The following NADK2 variants were observed in gnomAD, a reference collection of about 807,000 sequenced individuals.
The protein encoded by NADK2 is NAD kinase 2, mitochondrial, also known as NAD kinase domain-containing protein 1, mitochondrial.
In NADK2, 35 loss-of-function variants were observed where a neutral mutation model predicts 62.1. The observed-to-expected ratio is 0.56, with a 90% confidence interval of 0.43 to 0.75. The LOEUF (loss-of-function observed/expected upper bound fraction) is 0.75. Ranked by LOEUF, NADK2 falls within the 30% of genes least tolerant of loss-of-function variation. The pLI is 0.00. For synonymous variants in NADK2, 205 were observed against 207.9 expected, an observed-to-expected ratio of 0.99 and a Z score of 0.12; for missense variants, 439 against 561.3, an observed-to-expected ratio of 0.78 and a Z score of 2.20.
chr5:36,240,429 C>T (rs1277120221), intron 1 of NADK2, among the ~76,000 whole-genome samples: 2 of 152,206 alleles, frequency 1.3e-5, no homozygotes, highest in African/African-American at 4.8e-5. Flanking sequence ...CACACGATAC[C>T]AGAAGTTTCC....
At chr5:36,199,062 G>T (rs376613753) in intron 10 of NADK2, among the ~76,000 whole-genome samples, 1 of 151,642 alleles carries the variant, frequency 6.6e-6, no homozygotes, top group African/African-American at 2.4e-5. Flanking sequence ...GGGGTAGGGG[G>T]TGGGGGGAGG....
Position 36,195,364 on chromosome 5 carries a change from C to A in NADK2, c.1191-82G>T. The A allele has an allele frequency of 2.2e-6, 3 of 1,359,466 alleles. No individual in the cohort carries two copies. The South Asian group carries it at 4.7e-5, about 22-fold the overall frequency. 84.2% of individuals were successfully genotyped at this position (1,359,466 alleles called of 1,614,324 possible). ...AATCCTGAATTTTAACCTAGCAGATCATTTGGCCTCCATTTTAAAAATCAA... is the reference window on the plus strand; with the variant it reads ...AATCCTGAATTTTAACCTAGCAGATAATTTGGCCTCCATTTTAAAAATCAA... On this transcript the variant is annotated intron_variant, in intron 11 of 11. Transcript: ENST00000381937.
rs1416600842 is a variant in NADK2 at position 36,226,503 on chromosome 5, T to C, written c.450A>G (p.Arg150=). The C allele has an allele frequency of 6.2e-7, 1 of 1,612,996 alleles. No individual in the cohort carries two copies. The highest frequency in any genetic ancestry group is 8.5e-7 in the Non-Finnish European group (1 of 1,179,500). Residue 150 remains arginine, a synonymous_variant, in exon 3 of 12, where the codon CGA becomes CGG. Transcript: ENST00000381937. Reference sequence around the variant, plus strand: ...CTGCAGCTATGACAGCATCTGCCCATCGAACAGTCTCTTCATCATATTCTC... The same window carrying C: ...CTGCAGCTATGACAGCATCTGCCCACCGAACAGTCTCTTCATCATATTCTC... ...KRREYDEETV[R]WADAVIAAGG...
intron 8 of NADK2, among the ~76,000 whole-genome samples, chr5:36,203,453 A>C (rs891240251): frequency 6.6e-6 from 1 of 152,084 alleles, no homozygotes; most frequent in Admixed American, 6.6e-5. Context: ...GGAAGAGGGG[A>C]GAACATGTTA....
chr5:36,214,175 T>G lies in NADK2; in HGVS notation c.782-2253A>C, dbSNP rs75606215. Among the ~76,000 whole-genome samples, 1,854 of 152,254 alleles carry G rather than the reference T, an allele frequency of 0.012. 157 individuals carry two copies. The East Asian group carries it at 0.21, about 18-fold the overall frequency. ...ACAATGGGACATGAAAAGATAAGACTCCATACCAATTACTTTTTTTTTTGA... is the reference window on the plus strand; with the variant it reads ...ACAATGGGACATGAAAAGATAAGACGCCATACCAATTACTTTTTTTTTTGA... On this transcript the variant is annotated intron_variant, in intron 6 of 11. Coordinates refer to ENST00000381937, the MANE Select transcript of NADK2 (RefSeq NM_001085411.3).
chr5:36,200,171 T>C, intron 10 of NADK2, 56 bp downstream of exon 10: 2 of 1,286,220 alleles, frequency 1.6e-6, no homozygotes, highest in Non-Finnish European at 2.1e-6. Context: ...CACACTATCA[T>C]CCTTAAAACT....
At chr5:36,223,992 A>C (rs1325135293) in intron 4 of NADK2, among the ~76,000 whole-genome samples, 2 of 152,232 alleles carry the variant, frequency 1.3e-5, no homozygotes, top group Non-Finnish European at 2.9e-5. Flanking sequence ...TAATCCAGTG[A>C]CTTTCAATTC....
At chr5:36,232,088 G>A (rs1747729208) in intron 1 of NADK2, among the ~76,000 whole-genome samples, 1 of 152,038 alleles carries the variant, frequency 6.6e-6, no homozygotes, top group Non-Finnish European at 1.5e-5. Flanking sequence ...ACACAGCTCT[G>A]ATATTAAAAT....
Position 36,241,056 on chromosome 5 carries a change from C to T in NADK2, c.300+443G>A, listed in dbSNP as rs1579647898. 1.3e-5 allele frequency among the ~76,000 whole-genome samples: 2 copies of T among 152,124 alleles called. No homozygotes were observed. The highest frequency in any genetic ancestry group is 2.1e-4 in the South Asian group (1 of 4,830). Reference sequence around the variant, plus strand: ...CGGCAGCCCTCAGCGGCGCCCTGGGCCCCCTTTCTCGCGGCGGCCAGGGGA... The same window carrying T: ...CGGCAGCCCTCAGCGGCGCCCTGGGTCCCCTTTCTCGCGGCGGCCAGGGGA... On this transcript the variant is annotated intron_variant, in intron 1 of 11. Coordinates refer to ENST00000381937, the MANE Select transcript of NADK2 (RefSeq NM_001085411.3). This position sits in a 1 kb window ranked among gnomAD's most constrained non-coding sequence, Gnocchi z 4.9.
intron 1 of NADK2, among the ~76,000 whole-genome samples, chr5:36,237,672 A>G (rs868735469): frequency 6.6e-6 from 1 of 152,228 alleles, no homozygotes; most frequent in African/African-American, 2.4e-5. Flanking sequence ...ACAAGAAGTG[A>G]TCAGAAGTGA....
chr5:36,234,372 CAAAAAAA>C (rs10551356), intron 1 of NADK2, among the ~76,000 whole-genome samples: 1 of 77,232 alleles, frequency 1.3e-5, no homozygotes, highest in Non-Finnish European at 2.6e-5. Flanking sequence ...AACTCCGTCT[CAAAAAAA>C]AAAAAAAAAA....
chr5:36,214,496 T>A (rs1399358887), intron 6 of NADK2, among the ~76,000 whole-genome samples: 3 of 152,178 alleles, frequency 2.0e-5, no homozygotes, highest in Non-Finnish European at 2.9e-5. Flanking sequence ...TACTTTTTTA[T>A]CCAAGAGAAT....
chr5:36,211,854 G>A lies in NADK2; in HGVS notation c.850C>T (p.Leu284=), dbSNP rs1400992897. 6.2e-7 allele frequency: 1 copy of A among 1,612,906 alleles called. No individual in the cohort carries two copies. The highest frequency in any genetic ancestry group is 8.5e-7 in the Non-Finnish European group (1 of 1,179,314). The change falls in exon 7 of 12, where the codon CTG becomes TTG. Residue 284 remains leucine, a synonymous_variant. Transcript: ENST00000381937. ...ALNEVFIGES[L]SSRASYYEIS... Reference sequence around the variant, plus strand: ...CAGGTTTAAAAGTACCTGGATGACAGACTCTCCCCAATGAAGACTTCATTT... The same window carrying A: ...CAGGTTTAAAAGTACCTGGATGACAAACTCTCCCCAATGAAGACTTCATTT...
intron 1 of NADK2, among the ~76,000 whole-genome samples, chr5:36,228,037 T>C (rs1456697289): frequency 6.6e-6 from 1 of 152,092 alleles, no homozygotes; most frequent in African/African-American, 2.4e-5. Flanking sequence ...TAGAGGCGGT[T>C]AGATGACCTT....
intron 6 of NADK2, among the ~76,000 whole-genome samples, chr5:36,216,881 T>C (rs1747063568): frequency 6.6e-6 from 1 of 152,154 alleles, no homozygotes; most frequent in Non-Finnish European, 1.5e-5. Flanking sequence ...AAAACAGTAA[T>C]AGAAGTTCAT....
chr5:36,216,312 T>A (rs1171545289), intron 6 of NADK2, among the ~76,000 whole-genome samples: 1 of 152,220 alleles, frequency 6.6e-6, no homozygotes, highest in East Asian at 1.9e-4. Context: ...ATTTCTTGTA[T>A]ATTGTGGATA....
At chr5:36,204,352 G>C (rs1746557511) in intron 8 of NADK2, among the ~76,000 whole-genome samples, 1 of 152,100 alleles carries the variant, frequency 6.6e-6, no homozygotes, top group South Asian at 2.1e-4. Flanking sequence ...GGTTTAATCA[G>C]GTCTCATAAC....
intron 11 of NADK2, among the ~76,000 whole-genome samples, chr5:36,195,699 T>G (rs1746205783): frequency 2.6e-5 from 4 of 152,206 alleles, no homozygotes; most frequent in Admixed American, 2.6e-4. Flanking sequence ...CCCAAATTAT[T>G]AATGTACAGT....
chr5:36,201,274 T>A, intron 8 of NADK2, 113 bp from the exon 9 acceptor site: 1 of 911,874 alleles, frequency 1.1e-6, no homozygotes, highest in Non-Finnish European at 1.7e-6. Flanking sequence ...GAGGAAGTTC[T>A]AAATGAACAA....
Sources: allele counts gnomAD v4.1 joint callset (sites outside exome capture counted in the v4.1 genomes callset), GRCh38; gene constraint gnomAD v4.1.1; non-coding constraint Gnocchi (gnomAD v3.1); transcripts MANE v1.5; gene names NCBI Gene and HGNC (gene_info 2026-07-23, HGNC 2026-07-21).